Variants in ILRUN observed in about 807,000 individuals in gnomAD.
The protein encoded by ILRUN is inflammation and lipid regulator with UBA-like and NBR1-like domains, also known as protein ILRUN.
Under a neutral mutation model 33.8 loss-of-function variants are expected in ILRUN, and 3 were observed. That is an observed-to-expected ratio of 0.09 (90% CI 0.04 to 0.23). The LOEUF (loss-of-function observed/expected upper bound fraction) is 0.23. Among genes scored for constraint, ILRUN ranks in the 10% least tolerant of loss-of-function variants. ILRUN has a pLI of 1.00. For synonymous variants in ILRUN, 124 were observed against 138.9 expected, an observed-to-expected ratio of 0.89 and a Z score of 0.75; for missense variants, 210 against 375.1, an observed-to-expected ratio of 0.56 and a Z score of 3.64.
At chr6:34,683,032 G>C (rs954097935) in intron 1 of ILRUN, among the ~76,000 whole-genome samples, 2 of 151,634 alleles carry the variant, frequency 1.3e-5, no homozygotes, top group African/African-American at 4.8e-5. Context: ...GGGAGGTTGA[G>C]ATGGGAGGAT....
intron 1 of ILRUN, among the ~76,000 whole-genome samples, chr6:34,677,021 T>C (rs1238455552): frequency 6.8e-6 from 1 of 147,022 alleles, no homozygotes; most frequent in Non-Finnish European, 1.5e-5. Flanking sequence ...AAAAAAGAAT[T>C]GAAGGCTGGG....
Position 34,606,772 on chromosome 6 carries a change from G to A in ILRUN, c.644C>T (p.Ser215Phe), listed in dbSNP as rs1236635036. The A allele has an allele frequency of 2.5e-6, 4 of 1,614,030 alleles. No individual in the cohort carries two copies. The highest frequency in any genetic ancestry group is 8.5e-7 in the Non-Finnish European group (1 of 1,180,034). The change falls in exon 4 of 5, where the codon TCT becomes TTT. Residue 215 changes from serine (S) to phenylalanine (F), a missense_variant. By Grantham distance (155) the Ser-to-Phe change is radical (BLOSUM62 -2). This residue lies in a region of ILRUN where 60 missense variants were observed against 138.1 expected (regional missense o/e 0.43). Coordinates refer to ENST00000374023, the MANE Select transcript of ILRUN (RefSeq NM_024294.4). ...KVEGNFNPFASPQKNRQSDEN... is the reference protein window; with the variant it reads ...KVEGNFNPFAFPQKNRQSDEN... ...ATCTGATTGTCGGTTCTTTTGGGGAGAGGCAAAAGGGTTGAAGTTTCCTTC... is the reference window on the plus strand; with the variant it reads ...ATCTGATTGTCGGTTCTTTTGGGGAAAGGCAAAAGGGTTGAAGTTTCCTTC...
In ILRUN at chr6:34,588,079, G is replaced by C. The variant is rs1408897621; in HGVS notation, c.*2486C>G. The C allele has an allele frequency of 1.3e-5, 5 of 398,594 alleles. No individual in the cohort carries two copies. The highest frequency in any genetic ancestry group is 8.2e-5 in the African/African-American group (4 of 48,646). The allele number at this position is 398,594 out of a possible 1,614,324, so 24.7% of individuals were successfully genotyped here. A position where few individuals can be genotyped will look rare whatever the true frequency, so the allele number is the denominator to read the frequency against. On this transcript the variant is annotated 3_prime_UTR_variant, in exon 5 of 5. Coordinates refer to ENST00000374023, the MANE Select transcript of ILRUN (RefSeq NM_024294.4). ...ATTGCTCTGAACCCATACCAGTGAG[G>C]GGAGAGAGAATGAATGATACTGATA...
chr6:34,637,864 C>CTGCTGTTGTTGTTGTTGTTGT (rs749114775), intron 3 of ILRUN, among the ~76,000 whole-genome samples: 76 of 142,020 alleles, frequency 5.4e-4, no homozygotes, highest in African/African-American at 1.6e-3. Flanking sequence ...GCTGCTGCTG[C>CTGCTGTTGTTGTTGTTGTTGT]TGTTGTTGTT....
rs1016322716 is a variant in ILRUN, at chr6:34,592,478, C to CA, written c.862-1879dup. On this transcript the variant is annotated intron_variant, in intron 4 of 4. Coordinates refer to ENST00000374023, the MANE Select transcript of ILRUN (RefSeq NM_024294.4). The surrounding 1 kb of genome is among the most constrained non-coding windows in gnomAD (Gnocchi z 4.0). ...CTCAAGCAAGTGTGCACTGGGGCAG[C>CA]AAAGGGCTCTCAGATTCCATTTTGC... Among the ~76,000 whole-genome samples the CA allele has an allele frequency of 6.6e-6, 1 of 152,250 alleles. No homozygotes were observed. Among genetic ancestry groups the CA allele is most frequent in the Non-Finnish European group, 1.5e-5 (1 of 68,046 alleles).
intron 3 of ILRUN, among the ~76,000 whole-genome samples, chr6:34,631,225 G>T (rs772978743): frequency 1.2e-4 from 18 of 152,144 alleles, no homozygotes; most frequent in African/African-American, 4.1e-4. Flanking sequence ...TAGTAAAGAA[G>T]CCAGTAGTAA....
intron 1 of ILRUN, among the ~76,000 whole-genome samples, chr6:34,679,072 C>T (rs1763302329): frequency 6.7e-6 from 1 of 150,136 alleles, no homozygotes; most frequent in South Asian, 2.1e-4. Flanking sequence ...ATCTGTATAC[C>T]AAACCCCATG....
chr6:34,678,836 C>CAAAAAAAAAAAAAA (rs767799882), intron 1 of ILRUN, among the ~76,000 whole-genome samples: 3 of 47,882 alleles, frequency 6.3e-5, no homozygotes, highest in African/African-American at 8.5e-5. Flanking sequence ...GACTCCGTCT[C>CAAAAAAAAAAAAAA]AAAAAAAAAA....
intron 3 of ILRUN, among the ~76,000 whole-genome samples, chr6:34,613,708 T>C (rs746521244): frequency 6.6e-6 from 1 of 152,228 alleles, no homozygotes; most frequent in Non-Finnish European, 1.5e-5. Flanking sequence ...TATAAGTTCC[T>C]GGTTATAATA....
intron 2 of ILRUN, among the ~76,000 whole-genome samples, chr6:34,650,697 C>T (rs148375542): frequency 7.5e-4 from 114 of 151,950 alleles, no homozygotes; most frequent in South Asian, 6.0e-3. Flanking sequence ...GTGATCTGCC[C>T]GCCTCAGCCT....
At chr6:34,688,248 C>T (rs1353829877) in intron 1 of ILRUN, among the ~76,000 whole-genome samples, 1 of 151,354 alleles carries the variant, frequency 6.6e-6, no homozygotes, top group Non-Finnish European at 1.5e-5. Context: ...GTACAAAAAG[C>T]ACAAAAACTG....
rs118084324 is a variant in ILRUN at position 34,614,991 on chromosome 6, A to T, written c.512-8087T>A. Among the ~76,000 whole-genome samples, 31 of 152,312 alleles carry T rather than the reference A, an allele frequency of 2.0e-4. No homozygotes were observed. The East Asian group carries it at 5.2e-3, about 26-fold the overall frequency. ...AAAGACTGAGAAATTGTCACTGACT[A>T]GAAGAGATTGGGGCACATGACAACT... On this transcript the variant is annotated intron_variant, in intron 3 of 4. Coordinates refer to ENST00000374023, the MANE Select transcript of ILRUN (RefSeq NM_024294.4).
chr6:34,608,299 C>A (rs1761675380), intron 3 of ILRUN, among the ~76,000 whole-genome samples: 1 of 151,446 alleles, frequency 6.6e-6, no homozygotes, highest in African/African-American at 2.4e-5. Context: ...GAGGCTGAGG[C>A]AGGAGAATTG....
At chr6:34,599,494 AG>A (rs1761465800) in intron 4 of ILRUN, among the ~76,000 whole-genome samples, 1 of 152,132 alleles carries the variant, frequency 6.6e-6, no homozygotes, top group Admixed American at 6.6e-5. Flanking sequence ...AGTGGGTAAA[AG>A]GCCAGGCATG....
At chr6:34,657,403 G>A (rs997484619) in intron 1 of ILRUN, among the ~76,000 whole-genome samples, 2 of 152,210 alleles carry the variant, frequency 1.3e-5, no homozygotes, top group African/African-American at 4.8e-5. Context: ...GGAAAGTCAA[G>A]CTACCCAACT....
chr6:34,619,012 G>A (rs1255438605), intron 3 of ILRUN, among the ~76,000 whole-genome samples: 3 of 152,090 alleles, frequency 2.0e-5, no homozygotes, highest in Non-Finnish European at 4.4e-5. Context: ...AGAGTACTAA[G>A]GACAAACCAT....
intron 4 of ILRUN, among the ~76,000 whole-genome samples, chr6:34,603,234 C>T (rs1005713748): frequency 3.9e-5 from 6 of 152,198 alleles, no homozygotes; most frequent in Admixed American, 2.6e-4. Flanking sequence ...GCAACTGAGC[C>T]GGGCACGGTG....
intron 1 of ILRUN, among the ~76,000 whole-genome samples, chr6:34,690,583 CA>C (rs1230652335): frequency 1.3e-5 from 2 of 151,276 alleles, no homozygotes; most frequent in African/African-American, 4.9e-5. Flanking sequence ...CTTGGTTTCC[CA>C]TCAAAAAAAA....
chr6:34,656,977 C>A (rs1429069236), intron 1 of ILRUN, among the ~76,000 whole-genome samples: 5 of 152,174 alleles, frequency 3.3e-5, no homozygotes, highest in Non-Finnish European at 2.9e-5. Flanking sequence ...TCCTGTCTAG[C>A]TGACAGTGAT....
Sources: allele counts gnomAD v4.1 joint callset (sites outside exome capture counted in the v4.1 genomes callset), GRCh38; gene constraint gnomAD v4.1.1; regional missense constraint gnomAD v4.1.1; non-coding constraint Gnocchi (gnomAD v3.1); transcripts MANE v1.5; gene names NCBI Gene and HGNC (gene_info 2026-07-23, HGNC 2026-07-21).